TAS2R1: variants seen among roughly 807,000 people sequenced by gnomAD.
TAS2R1 encodes taste receptor type 2 member 1.
For synonymous variants in TAS2R1, 141 were observed against 134.2 expected (o/e 1.05, Z -0.35); for missense variants, 370 against 353.4 (o/e 1.05, Z -0.38).
the TAS2R1 span, among the ~76,000 whole-genome samples, chr5:9,719,938 A>C: frequency 5.9e-3 from 754 of 127,884 alleles, 5 homozygotes; most frequent in African/African-American, 0.021. Context: ...AAAAAAAAAA[A>C]CAAAAACAAA....
the TAS2R1 span, among the ~76,000 whole-genome samples, chr5:9,719,413 C>T: frequency 1.3e-5 from 2 of 152,198 alleles, no homozygotes; most frequent in African/African-American, 4.8e-5. Flanking sequence ...AACCTAGAAG[C>T]AATACTTGTT....
chr5:9,812,709 A>G, the TAS2R1 span, among the ~76,000 whole-genome samples: 1 of 152,110 alleles, frequency 6.6e-6, no homozygotes, highest in African/African-American at 2.4e-5. Context: ...AGTAACAGTC[A>G]CCACGGTAGG....
At chr5:9,698,213 T>C (rs1306443203) in intron 1 of TAS2R1, among the ~76,000 whole-genome samples, 1 of 152,210 alleles carries the variant, frequency 6.6e-6, no homozygotes, top group African/African-American at 2.4e-5. Context: ...ATGTCCATTT[T>C]CCTCAGTGAA....
rs115079440 is a variant in TAS2R1 at position 9,660,899 on chromosome 5, C to A, written c.-241-1318G>T. The stretch of plus-strand genomic sequence containing the variant: ...TGAGAAAAGTTATAGGAGCTCAGGG[C>A]AGCCTTCACTTGACAGCCAGCAAGC... On this transcript the variant is annotated intron_variant, in intron 1 of 2. Coordinates refer to the TAS2R1 transcript ENST00000506620. Among the ~76,000 whole-genome samples, 1,008 of 152,238 alleles carry A rather than the reference C, an allele frequency of 6.6e-3. 6 individuals carry two copies. Among genetic ancestry groups the A allele is most frequent in the African/African-American group, 0.022 (933 of 41,512 alleles).
At chr5:9,670,842 A>G (rs1740735451) in intron 1 of TAS2R1, among the ~76,000 whole-genome samples, 1 of 152,186 alleles carries the variant, frequency 6.6e-6, no homozygotes, top group Middle Eastern at 3.2e-3. Context: ...CAACAAAAAA[A>G]GAAAACTTTA....
At chr5:9,827,598 G>GCACACA in the TAS2R1 span, among the ~76,000 whole-genome samples, 43,649 of 147,164 alleles carry the variant, frequency 0.3, 6,288 homozygotes, top group African/African-American at 0.31. Flanking sequence ...GTGGTGGCAT[G>GCACACA]CACACACACA....
intron 1 of TAS2R1, among the ~76,000 whole-genome samples, chr5:9,708,384 G>A (rs576453353): frequency 3.3e-5 from 5 of 152,184 alleles, no homozygotes; most frequent in South Asian, 2.1e-4. Flanking sequence ...CTACAAAAAC[G>A]GAGATACCAT....
At chr5:9,818,080 C>A in the TAS2R1 span, among the ~76,000 whole-genome samples, 1 of 152,254 alleles carries the variant, frequency 6.6e-6, no homozygotes, top group Middle Eastern at 3.4e-3. Context: ...ATATCAGAGA[C>A]CATTCCGTAT....
the TAS2R1 span, among the ~76,000 whole-genome samples, chr5:9,879,829 T>C: frequency 6.6e-6 from 1 of 152,156 alleles, no homozygotes; most frequent in Non-Finnish European, 1.5e-5. Context: ...GAACCATCAT[T>C]TTACCATTGT....
the TAS2R1 span, among the ~76,000 whole-genome samples, chr5:9,893,133 T>C: frequency 6.6e-6 from 1 of 152,014 alleles, no homozygotes; most frequent in Non-Finnish European, 1.5e-5. Context: ...AGAGAAGGGC[T>C]CAGGGAATCT....
At chr5:9,745,983 C>T in the TAS2R1 span, among the ~76,000 whole-genome samples, 1 of 152,082 alleles carries the variant, frequency 6.6e-6, no homozygotes, top group Admixed American at 6.6e-5. Flanking sequence ...AACAGGCAAC[C>T]TAAAGAATGG....
chr5:9,743,726 A>G, the TAS2R1 span, among the ~76,000 whole-genome samples: 2 of 152,206 alleles, frequency 1.3e-5, no homozygotes, highest in Non-Finnish European at 2.9e-5. Context: ...ATTTGCTTCC[A>G]GCAGATCTTA....
intron 1 of TAS2R1, among the ~76,000 whole-genome samples, chr5:9,700,813 C>G (rs533226909): frequency 1.5e-4 from 23 of 152,136 alleles, no homozygotes; most frequent in Non-Finnish European, 2.6e-4. Flanking sequence ...TCTCTGTCCT[C>G]ATCTCCTCTT....
the TAS2R1 span, among the ~76,000 whole-genome samples, chr5:9,786,482 T>C: frequency 6.6e-6 from 1 of 152,178 alleles, no homozygotes; most frequent in Non-Finnish European, 1.5e-5. Context: ...TGCCTAGAAT[T>C]TACCTTTCTT....
intron 1 of TAS2R1, among the ~76,000 whole-genome samples, chr5:9,707,823 A>T (rs2126530707): frequency 6.6e-6 from 1 of 152,194 alleles, no homozygotes; most frequent in African/African-American, 2.4e-5. Context: ...ACTGAGGCTA[A>T]CTACTGTGCA....
chr5:9,753,391 GGGTT>G, the TAS2R1 span, among the ~76,000 whole-genome samples: 1 of 152,104 alleles, frequency 6.6e-6, no homozygotes, highest in Admixed American at 6.5e-5. Flanking sequence ...CTTTTTGATG[GGGTT>G]GTTTGTTTTT....
chr5:9,863,962 T>C, the TAS2R1 span, among the ~76,000 whole-genome samples: 3 of 152,194 alleles, frequency 2.0e-5, no homozygotes, highest in African/African-American at 7.2e-5. Flanking sequence ...AGGATAGGGC[T>C]CTCGGGTGAA....
chr5:9,654,347 C>T (rs1309787258), intron 2 of TAS2R1, among the ~76,000 whole-genome samples: 1 of 152,048 alleles, frequency 6.6e-6, no homozygotes, highest in Non-Finnish European at 1.5e-5. Context: ...AAGGCTGGAA[C>T]AATCTTGTAA....
upstream of TAS2R1, among the ~76,000 whole-genome samples, chr5:9,714,536 C>T (rs944293440): frequency 6.6e-6 from 1 of 152,202 alleles, no homozygotes; most frequent in African/African-American, 2.4e-5. Context: ...ACCTGCAGTA[C>T]TCTGCTCTGT....
Sources: gnomAD v4.1 joint callset for allele counts (sites outside exome capture counted in the v4.1 genomes callset) on GRCh38, gnomAD v4.1.1 for gene constraint, MANE v1.5 for transcripts, NCBI Gene and HGNC (gene_info 2026-07-23, HGNC 2026-07-21) for gene names.